Variants in DOCK3 observed in about 807,000 individuals in gnomAD.
DOCK3 encodes dedicator of cytokinesis protein 3.
DOCK3 carries 60 observed loss-of-function variants against 265.6 expected under a neutral mutation model. The ratio of observed to expected loss-of-function variants is 0.23; its 90% CI spans 0.18 to 0.28. DOCK3 has a LOEUF of 0.28. DOCK3 is among the 10% of genes least tolerant of loss of function. DOCK3 has a pLI of 1.00. For synonymous variants in DOCK3, 881 were observed against 938.0 expected, an observed-to-expected ratio of 0.94 and a Z score of 1.11; for missense variants, 1,981 against 2,594.3, an observed-to-expected ratio of 0.76 and a Z score of 5.14.
chr3:50,789,992 C>T (rs1363821244), intron 2 of DOCK3, among the ~76,000 whole-genome samples: 2 of 152,204 alleles, frequency 1.3e-5, no homozygotes, highest in Non-Finnish European at 2.9e-5. Flanking sequence ...CTCGGCTTCC[C>T]AAACTGTTGA....
intron 12 of DOCK3, among the ~76,000 whole-genome samples, chr3:51,189,253 T>C (rs1245817505): frequency 1.3e-5 from 2 of 152,142 alleles, no homozygotes; most frequent in Non-Finnish European, 2.9e-5. Flanking sequence ...GTTCAGATTC[T>C]TTGCCCACTA....
At chr3:51,088,366 AG>A (rs747642593) in intron 7 of DOCK3, among the ~76,000 whole-genome samples, 14 of 152,284 alleles carry the variant, frequency 9.2e-5, no homozygotes, top group Middle Eastern at 3.4e-3. Flanking sequence ...GGGTGAGTGT[AG>A]TTAACAGTAA....
chr3:51,352,757 C>T (rs1188433625), intron 40 of DOCK3, among the ~76,000 whole-genome samples: 1 of 152,210 alleles, frequency 6.6e-6, no homozygotes, highest in African/African-American at 2.4e-5. Context: ...AGCTCTTTGC[C>T]TTGCCCATGG....
At chr3:50,759,650 T>G (rs1422103326) in intron 1 of DOCK3, among the ~76,000 whole-genome samples, 1 of 137,922 alleles carries the variant, frequency 7.3e-6, no homozygotes, top group Non-Finnish European at 1.5e-5. Context: ...CCAGCCTGGG[T>G]GACAAGTAAG....
Position 51,049,570 on chromosome 3 carries a change from G to C in DOCK3, c.316-14878G>C, listed in dbSNP as rs561946189. ...GCCTGTGACCCATCATATGGGGTTA[G>C]GTGTGGAATTTTTCACTTGTAATGT... On this transcript the variant is annotated intron_variant, in intron 5 of 52. Transcript: ENST00000266037. Among the ~76,000 whole-genome samples, 4 of 152,076 alleles carry C rather than the reference G, an allele frequency of 2.6e-5. No homozygotes were observed. The South Asian group carries it at 8.3e-4, about 32-fold the overall frequency.
intron 9 of DOCK3, among the ~76,000 whole-genome samples, chr3:51,123,162 C>G (rs964775491): frequency 2.6e-5 from 4 of 152,112 alleles, no homozygotes; most frequent in African/African-American, 9.7e-5. Context: ...GAGGATAATT[C>G]AGCCTACCCA....
intron 38 of DOCK3, among the ~76,000 whole-genome samples, chr3:51,345,470 G>A (rs1239063579): frequency 6.6e-6 from 1 of 152,116 alleles, no homozygotes. Context: ...AAACTAGCCA[G>A]GCATGGTGGC....
chr3:50,745,026 TGTTTGGCTACTTAGA>T (rs1394512078), intron 1 of DOCK3, among the ~76,000 whole-genome samples: 1 of 152,200 alleles, frequency 6.6e-6, no homozygotes, highest in Non-Finnish European at 1.5e-5. Flanking sequence ...TTTTCAAGAC[TGTTTGGCTACTTAGA>T]GTCCCTTGAG....
At chr3:50,678,949 A>G (rs964513557) in intron 1 of DOCK3, among the ~76,000 whole-genome samples, 18 of 151,956 alleles carry the variant, frequency 1.2e-4, no homozygotes, top group African/African-American at 4.1e-4. Flanking sequence ...AGCTGGGACT[A>G]CAGGTGCCCG....
intron 23 of DOCK3, among the ~76,000 whole-genome samples, chr3:51,266,384 C>T (rs1018950464): frequency 5.9e-5 from 9 of 152,092 alleles, no homozygotes; most frequent in Non-Finnish European, 1.3e-4. Flanking sequence ...AATCCTAAGC[C>T]AAAGGAACAA....
At chr3:51,008,209 T>A (rs770850750) in intron 5 of DOCK3, among the ~76,000 whole-genome samples, 1 of 152,328 alleles carries the variant, frequency 6.6e-6, no homozygotes, top group South Asian at 2.1e-4. Context: ...ATAAATTACC[T>A]TGGGCAGTAT....
chr3:50,757,163 CTTTTTT>C (rs34435343), intron 1 of DOCK3, among the ~76,000 whole-genome samples: 39 of 81,626 alleles, frequency 4.8e-4, no homozygotes, highest in Middle Eastern at 0.012. Context: ...AGATTGTCGT[CTTTTTT>C]TTTTTTTTTT....
intron 23 of DOCK3, among the ~76,000 whole-genome samples, chr3:51,269,791 A>G (rs531065320): frequency 1.3e-5 from 2 of 152,224 alleles, no homozygotes; most frequent in African/African-American, 2.4e-5. Context: ...ACCAGCATGT[A>G]TCAAAGGCCT....
At chr3:51,167,750 G>C (rs1163862545) in intron 12 of DOCK3, among the ~76,000 whole-genome samples, 3 of 152,008 alleles carry the variant, frequency 2.0e-5, no homozygotes, top group Non-Finnish European at 4.4e-5. Context: ...TGGAGAGCTT[G>C]TCATTAGTAT....
intron 5 of DOCK3, among the ~76,000 whole-genome samples, chr3:50,990,597 T>C (rs1314617866): frequency 6.6e-6 from 1 of 152,176 alleles, no homozygotes; most frequent in Non-Finnish European, 1.5e-5. Flanking sequence ...GGGATAGATG[T>C]ATGTATAAAA....
intron 27 of DOCK3, among the ~76,000 whole-genome samples, chr3:51,308,747 C>T (rs1215055615): frequency 1.5e-4 from 23 of 152,206 alleles, no homozygotes; most frequent in African/African-American, 5.3e-4. Flanking sequence ...ACCTCCCAGA[C>T]GGGGTGGTGG....
At chr3:51,314,368 G>A (rs112947780) in intron 31 of DOCK3, among the ~76,000 whole-genome samples, 1 of 152,288 alleles carries the variant, frequency 6.6e-6, no homozygotes, top group East Asian at 1.9e-4. Context: ...AGGGAGTTCA[G>A]GGTGGGTAAA....
chr3:51,153,092 G>A (rs1248849373), intron 10 of DOCK3, among the ~76,000 whole-genome samples: 1 of 152,238 alleles, frequency 6.6e-6, no homozygotes, highest in Non-Finnish European at 1.5e-5. Flanking sequence ...GTTCAGCTAT[G>A]CCCTGCCCGC....
intron 3 of DOCK3, chr3:50,863,496 A>G: frequency 3.9e-6 from 2 of 509,582 alleles, no homozygotes; most frequent in South Asian, 2.9e-5. Context: ...ACTCCCACCT[A>G]CCCTTTCCAT....
Sources: gnomAD v4.1 joint callset for allele counts (sites outside exome capture counted in the v4.1 genomes callset) on GRCh38, gnomAD v4.1.1 for gene constraint, MANE v1.5 for transcripts, NCBI Gene and HGNC (gene_info 2026-07-23, HGNC 2026-07-21) for gene names.